Variants in NAALADL2 observed in about 807,000 individuals in gnomAD.
The protein encoded by NAALADL2 is N-acetylated alpha-linked acidic dipeptidase like 2.
Under a neutral mutation model 87.2 loss-of-function variants are expected in NAALADL2, and 76 were observed. That is an observed-to-expected ratio of 0.87 (90% CI 0.72 to 1.05). NAALADL2 has a LOEUF of 1.05. Among genes scored for constraint, NAALADL2 ranks in the 50% least tolerant of loss-of-function variants. The pLI, the probability that NAALADL2 is intolerant of heterozygous loss-of-function variation, is 0.00. For missense variants in NAALADL2, 1,089 were observed against 945.8 expected (o/e 1.15, Z -1.99); for synonymous variants, 354 against 331.0 (o/e 1.07, Z -0.75).
chr3:175,014,272 A>G (rs867937552), intron 1 of NAALADL2, among the ~76,000 whole-genome samples: 13 of 151,816 alleles, frequency 8.6e-5, no homozygotes, highest in African/African-American at 2.9e-4. Context: ...TGTATGGGTT[A>G]CTCTCTTATA....
intron 5 of NAALADL2, among the ~76,000 whole-genome samples, chr3:175,339,304 CT>C (rs1762349004): frequency 6.6e-6 from 1 of 152,186 alleles, no homozygotes; most frequent in African/African-American, 2.4e-5. Context: ...GTTCCATCGG[CT>C]GAGTGCCATG....
chr3:174,559,828 C>T (rs1713360378), intron 2 of NAALADL2, among the ~76,000 whole-genome samples: 1 of 152,186 alleles, frequency 6.6e-6, no homozygotes, highest in Non-Finnish European at 1.5e-5. Context: ...AATACTGTCA[C>T]ATTGAGGATT....
intron 1 of NAALADL2, among the ~76,000 whole-genome samples, chr3:174,981,443 TTG>T (rs1369032275): frequency 1.3e-5 from 2 of 152,156 alleles, no homozygotes; most frequent in Non-Finnish European, 2.9e-5. Flanking sequence ...GCCAAAGATT[TTG>T]TGTCATGTTT....
intron 9 of NAALADL2, among the ~76,000 whole-genome samples, chr3:175,510,892 A>G (rs1731056407): frequency 6.6e-6 from 1 of 152,170 alleles, no homozygotes; most frequent in South Asian, 2.1e-4. Flanking sequence ...TAATGGACTT[A>G]ACATGTCCAC....
At chr3:175,187,284 C>A (rs1462692089) in intron 2 of NAALADL2, among the ~76,000 whole-genome samples, 1 of 152,138 alleles carries the variant, frequency 6.6e-6, no homozygotes, top group Non-Finnish European at 1.5e-5. Context: ...ATCATAGATA[C>A]AAGTGAGTTC....
intron 9 of NAALADL2, among the ~76,000 whole-genome samples, chr3:175,501,443 A>AC (rs1560661514): frequency 3.9e-5 from 6 of 151,918 alleles, no homozygotes; most frequent in Non-Finnish European, 8.8e-5. Context: ...ACACACACAC[A>AC]AAGGCAGCAT....
intron 4 of NAALADL2, among the ~76,000 whole-genome samples, chr3:175,293,036 CAAAAAAA>C (rs568981496): frequency 2.7e-3 from 135 of 49,422 alleles, no homozygotes; most frequent in African/African-American, 7.9e-3. Flanking sequence ...GACTCCGTCT[CAAAAAAA>C]AAAAAAAAAA....
At chr3:175,431,563 C>A (rs548522567) in intron 5 of NAALADL2, among the ~76,000 whole-genome samples, 1 of 151,990 alleles carries the variant, frequency 6.6e-6, no homozygotes, top group Non-Finnish European at 1.5e-5. Flanking sequence ...CTGGGAAACT[C>A]CAGTTTAAGG....
At chr3:175,450,617 G>T (rs1029389715) in intron 6 of NAALADL2, among the ~76,000 whole-genome samples, 1 of 152,074 alleles carries the variant, frequency 6.6e-6, no homozygotes, top group Non-Finnish European at 1.5e-5. Flanking sequence ...TTGAGTCTTG[G>T]TCCTGTTTGT....
intron 11 of NAALADL2, among the ~76,000 whole-genome samples, chr3:175,657,236 T>C (rs146321557): frequency 6.6e-6 from 1 of 152,306 alleles, no homozygotes; most frequent in East Asian, 1.9e-4. Context: ...CTTGTATGAA[T>C]ACACTATTAA....
At chr3:174,499,103 A>G (rs771744470) in intron 1 of NAALADL2, among the ~76,000 whole-genome samples, 1 of 152,086 alleles carries the variant, frequency 6.6e-6, no homozygotes, top group African/African-American at 2.4e-5. Context: ...ATAGGCATGT[A>G]TATATAGGAA....
intron 3 of NAALADL2, among the ~76,000 whole-genome samples, chr3:174,778,519 C>T (rs374599990): frequency 2.2e-4 from 33 of 151,940 alleles, no homozygotes; most frequent in African/African-American, 7.7e-4. Flanking sequence ...TTCTGGGATA[C>T]ATGTGCAGAA....
chr3:175,809,607 G>T lies in NAALADL2; in HGVS notation c.*6404G>T, dbSNP rs141815915. On this transcript the variant is annotated 3_prime_UTR_variant, in exon 14 of 14. Coordinates refer to ENST00000454872, the MANE Select transcript of NAALADL2 (RefSeq NM_207015.3). ...GTCCAGCTACTAGGGAGGCTGAGGC[G>T]GAAGAATCATTTGGGCCCAAAAGTT... 6.6e-6 allele frequency: 1 copy of T among 151,080 alleles called. No homozygotes were observed. The highest frequency in any genetic ancestry group is 2.4e-5 in the African/African-American group (1 of 41,204). The allele number at this position is 151,080 out of a possible 1,614,324, so 9.4% of individuals were successfully genotyped here.
chr3:175,329,139 A>G (rs577700923), intron 5 of NAALADL2, among the ~76,000 whole-genome samples: 25 of 152,288 alleles, frequency 1.6e-4, no homozygotes, highest in African/African-American at 6.0e-4. Flanking sequence ...CTTGACTTAG[A>G]CTTGAATTTC....
chr3:175,645,711 G>A (rs1247393677), intron 11 of NAALADL2, among the ~76,000 whole-genome samples: 1 of 152,106 alleles, frequency 6.6e-6, no homozygotes, highest in Non-Finnish European at 1.5e-5. Context: ...GGTGGTATAA[G>A]TCAGACAAGA....
intron 2 of NAALADL2, among the ~76,000 whole-genome samples, chr3:174,674,301 C>T (rs967757256): frequency 2.0e-5 from 3 of 151,956 alleles, no homozygotes; most frequent in Non-Finnish European, 2.9e-5. Context: ...CCCTCCAGAC[C>T]CCACCTCCAA....
intron 4 of NAALADL2, among the ~76,000 whole-genome samples, chr3:175,274,533 C>T (rs1238556011): frequency 1.3e-5 from 2 of 151,944 alleles, no homozygotes; most frequent in East Asian, 3.9e-4. Context: ...TTTAACATGC[C>T]CCAGTTTGCT....
rs553957279 is a variant in NAALADL2 at position 174,897,292 on chromosome 3, T to C, written c.43+37842T>C. ...TCTGACAAGGGATTAATAGCCAGAT[T>C]ATATAAGGAGCTCAAACAACTCTAT... On this transcript the variant is annotated intron_variant, in intron 1 of 13. Coordinates refer to ENST00000454872, the MANE Select transcript of NAALADL2 (RefSeq NM_207015.3). Among the ~76,000 whole-genome samples, 11 of 152,160 alleles carry C rather than the reference T, an allele frequency of 7.2e-5. No homozygotes were observed. The South Asian group carries it at 1.2e-3, about 17-fold the overall frequency.
At chr3:175,228,720 T>C (rs1346550836) in intron 2 of NAALADL2, among the ~76,000 whole-genome samples, 2 of 151,902 alleles carry the variant, frequency 1.3e-5, no homozygotes, top group Non-Finnish European at 2.9e-5. Context: ...TAAGAAAAGT[T>C]TGTCTTTTAA....
Sources: allele counts gnomAD v4.1 joint callset (sites outside exome capture counted in the v4.1 genomes callset), GRCh38; gene constraint gnomAD v4.1.1; transcripts MANE v1.5; gene names NCBI Gene and HGNC (gene_info 2026-07-23, HGNC 2026-07-21).